Variants in RASAL2 observed in about 807,000 individuals in gnomAD.
RASAL2 encodes RAS protein activator like 2, also known as ras GTPase-activating protein nGAP.
In RASAL2, 58 loss-of-function variants were observed where a neutral mutation model predicts 128.9. That is an observed-to-expected ratio of 0.45 (90% CI 0.36 to 0.56). The LOEUF is 0.56. RASAL2 is among the 20% of genes least tolerant of loss of function. The pLI is 0.00. For missense variants in RASAL2, 1,360 were observed against 1,601.6 expected, an observed-to-expected ratio of 0.85 and a Z score of 2.57; for synonymous variants, 561 against 580.8, an observed-to-expected ratio of 0.97 and a Z score of 0.49.
chr1:178,107,362 C>T (rs1175901403), intron 1 of RASAL2, among the ~76,000 whole-genome samples: 3 of 152,024 alleles, frequency 2.0e-5, no homozygotes. Context: ...CTCTTTGAGA[C>T]CCATGTGGAT....
chr1:178,393,830 T>C (rs1206518261), intron 4 of RASAL2, among the ~76,000 whole-genome samples: 1 of 152,200 alleles, frequency 6.6e-6, no homozygotes, highest in African/African-American at 2.4e-5. Flanking sequence ...AAATAATTGT[T>C]GAATAGATAA....
At chr1:178,109,879 G>A (rs1659230513) in intron 1 of RASAL2, among the ~76,000 whole-genome samples, 1 of 152,048 alleles carries the variant, frequency 6.6e-6, no homozygotes, top group South Asian at 2.1e-4. Flanking sequence ...TTAGCCAGGT[G>A]TTGTGGCCCG....
intron 1 of RASAL2, among the ~76,000 whole-genome samples, chr1:178,116,829 C>T (rs1156881645): frequency 3.9e-5 from 6 of 152,104 alleles, no homozygotes; most frequent in African/African-American, 7.2e-5. Context: ...CCAGGATGAC[C>T]TTGATCTCCT....
At chr1:178,429,987 T>C (rs1675779692) in intron 5 of RASAL2, among the ~76,000 whole-genome samples, 1 of 152,112 alleles carries the variant, frequency 6.6e-6, no homozygotes, top group Non-Finnish European at 1.5e-5. Context: ...CTCTGCATAC[T>C]TTATTCTAGG....
chr1:178,201,078 GA>G (rs1027057680), intron 1 of RASAL2, among the ~76,000 whole-genome samples: 1 of 152,050 alleles, frequency 6.6e-6, no homozygotes, highest in African/African-American at 2.4e-5. Context: ...TGCTACACTC[GA>G]AAAAAACTGC....
chr1:178,266,017 T>C (rs1344032994), intron 1 of RASAL2, among the ~76,000 whole-genome samples: 1 of 152,234 alleles, frequency 6.6e-6, no homozygotes, highest in Non-Finnish European at 1.5e-5. Flanking sequence ...GGTTTTTATT[T>C]TGGATTGTTT....
At chr1:178,411,744 G>T (rs774604086) in intron 4 of RASAL2, 5 of 799,938 alleles carry the variant, frequency 6.3e-6, no homozygotes, top group Non-Finnish European at 1.1e-5. Context: ...GGATGAAGGT[G>T]AAGGCAGACC....
chr1:178,296,307 T>C lies in RASAL2; in HGVS notation c.331-3685T>C, dbSNP rs1157099707. On this transcript the variant is annotated intron_variant, in intron 2 of 17. Transcript: ENST00000367649. Reference sequence around the variant, plus strand: ...TAACACATCTTAGATACCTGAGATATCTCCTTTTCTACTTTCTTCCTATAA... The same window carrying C: ...TAACACATCTTAGATACCTGAGATACCTCCTTTTCTACTTTCTTCCTATAA... Among the ~76,000 whole-genome samples the C allele has an allele frequency of 3.9e-5, 6 of 152,098 alleles. No homozygotes were observed. The South Asian group carries it at 8.3e-4, about 21-fold the overall frequency.
chr1:178,356,170 CA>C (rs34590206), intron 3 of RASAL2, among the ~76,000 whole-genome samples: 254 of 73,936 alleles, frequency 3.4e-3, no homozygotes, highest in South Asian at 7.7e-3. Context: ...GACTCTGTCT[CA>C]AAAAAAAAAA....
At chr1:178,219,417 G>C (rs1378360635) in intron 1 of RASAL2, among the ~76,000 whole-genome samples, 1 of 152,070 alleles carries the variant, frequency 6.6e-6, no homozygotes, top group Non-Finnish European at 1.5e-5. Flanking sequence ...GGAGGCTGAG[G>C]CTGGTGGATC....
At chr1:178,244,728 C>T (rs1664690881) in intron 1 of RASAL2, among the ~76,000 whole-genome samples, 1 of 152,124 alleles carries the variant, frequency 6.6e-6, no homozygotes, top group South Asian at 2.1e-4. Flanking sequence ...CTTCCCCTTT[C>T]CCCTCATCCC....
At chr1:178,411,966 C>CCCCGGGGGGGGA in intron 4 of RASAL2, 1 of 588,660 alleles carries the variant, frequency 1.7e-6, no homozygotes, top group Non-Finnish European at 3.1e-6. Flanking sequence ...CCCCCATCCC[C>CCCCGGGGGGGGA]TCTTGACGGC....
chr1:178,472,746 A>T (rs567228588), intron 17 of RASAL2, among the ~76,000 whole-genome samples: 1 of 152,230 alleles, frequency 6.6e-6, no homozygotes, highest in East Asian at 1.9e-4. Context: ...CACTTAGTAT[A>T]ATAAGGCAGC....
At chr1:178,357,137 A>T (rs1670852922) in intron 3 of RASAL2, among the ~76,000 whole-genome samples, 1 of 152,174 alleles carries the variant, frequency 6.6e-6, no homozygotes, top group Non-Finnish European at 1.5e-5. Flanking sequence ...GATGCTGTTA[A>T]ATAGCCTTGC....
chr1:178,157,268 G>A (rs963579977), intron 1 of RASAL2, among the ~76,000 whole-genome samples: 1 of 152,160 alleles, frequency 6.6e-6, no homozygotes. Context: ...AGTGGTCTAA[G>A]TATTTTTACT....
chr1:178,123,746 C>T (rs1659794366), intron 1 of RASAL2: 1 of 152,370 alleles, frequency 6.6e-6, no homozygotes. Context: ...AGCCATGGCT[C>T]ATTGCAGCCT....
intron 1 of RASAL2, among the ~76,000 whole-genome samples, chr1:178,182,462 T>C (rs1043472538): frequency 6.6e-6 from 1 of 152,188 alleles, no homozygotes; most frequent in Non-Finnish European, 1.5e-5. Flanking sequence ...TTCTAGGTCC[T>C]CTCTGCTGAC....
At chr1:178,181,224 G>A (rs316279) in intron 1 of RASAL2, among the ~76,000 whole-genome samples, 152,110 of 152,260 alleles carry the variant, frequency 1, 75,980 homozygotes, top group Middle Eastern at 1. Context: ...TCACCAAGAT[G>A]GTACAGAGTT....
At chr1:178,184,839 A>G (rs1232211055) in intron 1 of RASAL2, among the ~76,000 whole-genome samples, 1 of 152,084 alleles carries the variant, frequency 6.6e-6, no homozygotes, top group African/African-American at 2.4e-5. Flanking sequence ...ATAATTTGTT[A>G]TCCACAAAAC....
Sources: allele counts gnomAD v4.1 joint callset (sites outside exome capture counted in the v4.1 genomes callset), GRCh38; gene constraint gnomAD v4.1.1; transcripts MANE v1.5; gene names NCBI Gene and HGNC (gene_info 2026-07-23, HGNC 2026-07-21).